ANKRD12: variants seen among roughly 807,000 people sequenced by gnomAD.
ANKRD12 encodes ankyrin repeat domain 12.
ANKRD12 carries 85 observed loss-of-function variants against 183.4 expected under a neutral mutation model. That is an observed-to-expected ratio of 0.46 (90% CI 0.39 to 0.56). The LOEUF (loss-of-function observed/expected upper bound fraction) is 0.56, where lower values mean the gene tolerates loss of function less well. Ranked by LOEUF, ANKRD12 falls within the 20% of genes least tolerant of loss-of-function variation. ANKRD12 has a pLI of 0.00. For missense variants in ANKRD12, 2,405 were observed against 2,357.1 expected, an observed-to-expected ratio of 1.02 and a Z score of -0.42; for synonymous variants, 914 against 800.2, an observed-to-expected ratio of 1.14 and a Z score of -2.40.
At chr18:9,265,259 A>G (rs1042850262) in intron 10 of ANKRD12, among the ~76,000 whole-genome samples, 1 of 152,228 alleles carries the variant, frequency 6.6e-6, no homozygotes, top group Non-Finnish European at 1.5e-5. Context: ...TCCCTGTCTG[A>G]CAGCTTTGAA....
At chr18:9,247,805 T>C (rs995188140) in intron 8 of ANKRD12, among the ~76,000 whole-genome samples, 1 of 152,198 alleles carries the variant, frequency 6.6e-6, no homozygotes, top group Admixed American at 6.5e-5. Context: ...TTGTTTTGTT[T>C]TGTTTTGTTT....
chr18:9,232,504 G>C (rs1598634109), intron 8 of ANKRD12, among the ~76,000 whole-genome samples: 1 of 152,176 alleles, frequency 6.6e-6, no homozygotes, highest in South Asian at 2.1e-4. Context: ...GGTGGGGGGA[G>C]GCCTCTCTGT....
At chr18:9,211,819 A>G (rs1277546039) in intron 6 of ANKRD12, 35 bp downstream of exon 6, 1 of 1,522,272 alleles carries the variant, frequency 6.6e-7, no homozygotes, top group Admixed American at 1.8e-5. Context: ...CTATTCAGGC[A>G]CTAAAATTTA....
At chr18:9,272,854 A>G (rs1343206587) in intron 10 of ANKRD12, among the ~76,000 whole-genome samples, 1 of 152,200 alleles carries the variant, frequency 6.6e-6, no homozygotes, top group Non-Finnish European at 1.5e-5. Context: ...TTATAAAAAC[A>G]TTAAAACTCT....
chr18:9,206,450 A>G (rs1326281826), intron 4 of ANKRD12, among the ~76,000 whole-genome samples: 2 of 152,046 alleles, frequency 1.3e-5, no homozygotes, highest in Non-Finnish European at 2.9e-5. Context: ...GACAAATCCC[A>G]GATAGTCTTG....
chr18:9,284,375 A>T lies in ANKRD12; in HGVS notation c.*3249A>T, dbSNP rs183113671. 51 of 152,296 alleles carry T rather than the reference A, an allele frequency of 3.3e-4. No homozygotes were observed. The highest frequency in any genetic ancestry group is 1.2e-3 in the African/African-American group (49 of 41,560). The allele number at this position is 152,296 out of a possible 1,614,324, so 9.4% of individuals were successfully genotyped here. On this transcript the variant is annotated 3_prime_UTR_variant, in exon 13 of 13. Coordinates refer to ENST00000262126, the MANE Select transcript of ANKRD12 (RefSeq NM_015208.5). ...TTTTAGAAATTGAGTGCAGACCTAA[A>T]TACATAGTTTTCCAAAAAGAAAATT...
In ANKRD12 at chr18:9,201,817, G is replaced by GT. The variant is rs1357377075; in HGVS notation, c.236-2652dup. 4.1e-5 allele frequency among the ~76,000 whole-genome samples: 6 copies of GT among 145,714 alleles called. No homozygotes were observed. The East Asian group carries it at 8.1e-4, about 20-fold the overall frequency. On this transcript the variant is annotated intron_variant, in intron 3 of 12. Coordinates refer to ENST00000262126, the MANE Select transcript of ANKRD12 (RefSeq NM_015208.5). ...TTATTAGTAAGCAAATAGTTTACTA[G>GT]TTTTTTTCGCTTTTTTTTTTTTTAA...
chr18:9,171,996 G>T (rs2032779483), intron 1 of ANKRD12, among the ~76,000 whole-genome samples: 1 of 150,248 alleles, frequency 6.7e-6, no homozygotes, highest in South Asian at 2.1e-4. Flanking sequence ...CTCTATCCTG[G>T]GCAGGAAGAG....
At position 9,279,663 on chromosome 18, in the gene ANKRD12, C is replaced by T; in HGVS notation, c.6003+19C>T. On this transcript the variant is annotated intron_variant, in intron 12 of 12. Transcript: ENST00000262126. ...ATTAAAGGTATGTATGTTTGGAAGT[C>T]AGTTTAAATGAATGCTTCCCCCTTC... 7.4e-7 allele frequency: 1 copy of T among 1,357,456 alleles called. No individual in the cohort carries two copies. The highest frequency in any genetic ancestry group is 2.1e-5 in the Admixed American group (1 of 47,640). 84.1% of individuals were successfully genotyped at this position (1,357,456 alleles called of 1,614,324 possible).
chr18:9,162,681 GC>G (rs2031584556), intron 1 of ANKRD12, among the ~76,000 whole-genome samples: 1 of 152,254 alleles, frequency 6.6e-6, no homozygotes, highest in African/African-American at 2.4e-5. Flanking sequence ...CAGTGTAAAA[GC>G]ATTTCTTTTT....
intron 10 of ANKRD12, among the ~76,000 whole-genome samples, chr18:9,265,511 A>G (rs1041110774): frequency 6.6e-6 from 1 of 152,180 alleles, no homozygotes; most frequent in Non-Finnish European, 1.5e-5. Context: ...TACCCACACA[A>G]ACGGTCTGGA....
intron 1 of ANKRD12, among the ~76,000 whole-genome samples, chr18:9,168,408 G>A (rs1279851365): frequency 1.3e-5 from 2 of 152,104 alleles, no homozygotes; most frequent in African/African-American, 4.8e-5. Flanking sequence ...CCTGTTATTG[G>A]TCTATTCAGA....
intron 5 of ANKRD12, among the ~76,000 whole-genome samples, chr18:9,209,874 A>G (rs1399519229): frequency 6.6e-6 from 1 of 152,224 alleles, no homozygotes; most frequent in Non-Finnish European, 1.5e-5. Flanking sequence ...AGACCAACAG[A>G]CAAAAAGTAA....
chr18:9,224,450 G>A (rs1214413099), intron 8 of ANKRD12, among the ~76,000 whole-genome samples: 1 of 152,004 alleles, frequency 6.6e-6, no homozygotes, highest in African/African-American at 2.4e-5. Flanking sequence ...TTTGAGAAGG[G>A]AAGACTATAA....
At chr18:9,239,304 T>C (rs1262945336) in intron 8 of ANKRD12, among the ~76,000 whole-genome samples, 1 of 152,226 alleles carries the variant, frequency 6.6e-6, no homozygotes, top group Non-Finnish European at 1.5e-5. Context: ...GCAGCTTTGT[T>C]ATAAACTTGC....
At chr18:9,280,470 G>A (rs1045836186) in intron 12 of ANKRD12, among the ~76,000 whole-genome samples, 20 of 152,292 alleles carry the variant, frequency 1.3e-4, no homozygotes, top group African/African-American at 4.6e-4. Context: ...TAGTTGGTAT[G>A]TGTGTACAAA....
intron 8 of ANKRD12, among the ~76,000 whole-genome samples, chr18:9,230,732 T>C (rs1275966353): frequency 6.6e-6 from 1 of 151,918 alleles, no homozygotes; most frequent in Non-Finnish European, 1.5e-5. Context: ...GATCTCGGCT[T>C]ATTGCAACCT....
At chr18:9,157,907 A>G (rs957073809) in intron 1 of ANKRD12, among the ~76,000 whole-genome samples, 7 of 152,160 alleles carry the variant, frequency 4.6e-5, no homozygotes, top group African/African-American at 1.7e-4. Flanking sequence ...GTTTTTAATC[A>G]TGAGAAGTCA....
In ANKRD12 at chr18:9,256,324, A is replaced by G; in HGVS notation, c.3057A>G (p.Lys1019=). ...LKTPDGKEKD[K]KDKDIDRYKE... is the part of the protein sequence containing the mutation. ...CTCCAGATGGAAAAGAAAAAGATAA[A>G]AAAGATAAAGATATAGATAGATACA... The change falls in exon 9 of 13, where the codon AAA becomes AAG. Residue 1019 remains lysine (K), a synonymous_variant. Coordinates refer to ENST00000262126, the MANE Select transcript of ANKRD12 (RefSeq NM_015208.5). 1 of 1,591,586 alleles carries G rather than the reference A, an allele frequency of 6.3e-7. No individual in the cohort carries two copies.
Sources: gnomAD v4.1 joint callset for allele counts (sites outside exome capture counted in the v4.1 genomes callset) on GRCh38, gnomAD v4.1.1 for gene constraint, MANE v1.5 for transcripts, NCBI Gene and HGNC (gene_info 2026-07-23, HGNC 2026-07-21) for gene names.